GPAT4: variants seen among roughly 807,000 people sequenced by gnomAD.
The protein encoded by GPAT4 is glycerol-3-phosphate acyltransferase 4, also known as 1-AGP acyltransferase 6.
In GPAT4, 17 loss-of-function variants were observed where a neutral mutation model predicts 58.0. The ratio of observed to expected loss-of-function variants is 0.29; its 90% CI spans 0.20 to 0.44. The LOEUF is 0.44. Among genes scored for constraint, GPAT4 ranks in the 20% least tolerant of loss-of-function variants. The pLI, the probability that GPAT4 is intolerant of heterozygous loss-of-function variation, is 1.00. For synonymous variants in GPAT4, 204 were observed against 210.1 expected (o/e 0.97, Z 0.25); for missense variants, 377 against 574.5 (o/e 0.66, Z 3.51).
intron 1 of GPAT4, among the ~76,000 whole-genome samples, chr8:41,587,352 A>G (rs1350174945): frequency 6.6e-6 from 1 of 152,196 alleles, no homozygotes; most frequent in Non-Finnish European, 1.5e-5. Flanking sequence ...TAATGTCATT[A>G]CTTCTTGGGA....
At chr8:41,603,663 G>A (rs1251382953) in intron 2 of GPAT4, among the ~76,000 whole-genome samples, 2 of 152,078 alleles carry the variant, frequency 1.3e-5, no homozygotes, top group Non-Finnish European at 2.9e-5. Context: ...TGACACAGAG[G>A]ATGTGGGGGG....
chr8:41,580,198 A>C (rs1017720345), intron 1 of GPAT4, among the ~76,000 whole-genome samples: 6 of 152,254 alleles, frequency 3.9e-5, no homozygotes, highest in Admixed American at 6.5e-5. Flanking sequence ...AAGTTCTGAT[A>C]ATAGTTTTTA....
intron 2 of GPAT4, 76 bp from the exon 3 acceptor site, chr8:41,609,340 A>G: frequency 6.9e-7 from 1 of 1,446,490 alleles, no homozygotes; most frequent in South Asian, 1.2e-5. Context: ...GCTTTCACAG[A>G]ATAGAGATGG....
At chr8:41,594,917 A>G (rs1802886255) in intron 1 of GPAT4, among the ~76,000 whole-genome samples, 1 of 151,892 alleles carries the variant, frequency 6.6e-6, no homozygotes, top group African/African-American at 2.4e-5. Context: ...TTTTTTACAT[A>G]AATTCTGTCC....
At chr8:41,602,545 C>T (rs1803133499) in intron 2 of GPAT4, among the ~76,000 whole-genome samples, 1 of 151,848 alleles carries the variant, frequency 6.6e-6, no homozygotes, top group East Asian at 1.9e-4. Flanking sequence ...TGCTCTGAGT[C>T]GATCTGAATG....
At chr8:41,605,864 G>T (rs375113561) in intron 2 of GPAT4, among the ~76,000 whole-genome samples, 3 of 152,150 alleles carry the variant, frequency 2.0e-5, no homozygotes, top group African/African-American at 7.2e-5. Flanking sequence ...GATCCACTGC[G>T]CCCAGCCCAT....
At chr8:41,613,073 C>A in intron 8 of GPAT4, 113 bp downstream of exon 8, 1 of 785,968 alleles carries the variant, frequency 1.3e-6, no homozygotes, top group Non-Finnish European at 1.9e-6. Flanking sequence ...GCCTATACTG[C>A]TTTCATAATA....
Position 41,599,146 on chromosome 8 carries a change from C to T in GPAT4, c.7C>T (p.Leu3=). The T allele has an allele frequency of 6.2e-7, 1 of 1,610,888 alleles. No homozygotes were observed. The highest frequency in any genetic ancestry group is 8.5e-7 in the Non-Finnish European group (1 of 1,179,098). Residue 3 remains leucine, a synonymous_variant, in exon 2 of 13, where the codon CTG becomes TTG. Coordinates refer to ENST00000396987, the MANE Select transcript of GPAT4 (RefSeq NM_178819.4). MF[L]LLPFDSLIVN... is the part of the protein sequence containing the mutation. ...CTGGCCTGGATCTTCCACCATGTTC[C>T]TGTTGCTGCCTTTTGATAGCCTGAT...
chr8:41,606,061 A>G (rs1803261544), intron 2 of GPAT4, among the ~76,000 whole-genome samples: 1 of 152,180 alleles, frequency 6.6e-6, no homozygotes, highest in Non-Finnish European at 1.5e-5. Context: ...TGCCCTATGC[A>G]TCTCTTCCAT....
chr8:41,582,384 G>C (rs187470894), intron 1 of GPAT4, among the ~76,000 whole-genome samples: 78 of 151,726 alleles, frequency 5.1e-4, no homozygotes, highest in Non-Finnish European at 1.0e-4. Flanking sequence ...CCTGGTTCCA[G>C]ATCTAAGCCC....
chr8:41,602,468 CTG>C (rs1803131280), intron 2 of GPAT4, among the ~76,000 whole-genome samples: 1 of 152,158 alleles, frequency 6.6e-6, no homozygotes, highest in African/African-American at 2.4e-5. Flanking sequence ...CCAGAAAGGA[CTG>C]GCGTATTCCT....
At chr8:41,586,522 G>A (rs1475551412) in intron 1 of GPAT4, among the ~76,000 whole-genome samples, 1 of 152,260 alleles carries the variant, frequency 6.6e-6, no homozygotes, top group African/African-American at 2.4e-5. Flanking sequence ...GTGAGGGTTG[G>A]ATTCTTAGTA....
chr8:41,605,477 G>A (rs776164113), intron 2 of GPAT4, among the ~76,000 whole-genome samples: 11 of 152,212 alleles, frequency 7.2e-5, no homozygotes, highest in Admixed American at 3.9e-4. Context: ...GCAAAAACAC[G>A]GCGCATGGAG....
intron 7 of GPAT4, 192 bp from the exon 8 acceptor site, chr8:41,612,653 T>G: frequency 3.4e-6 from 2 of 583,206 alleles, no homozygotes; most frequent in Non-Finnish European, 6.1e-6. Flanking sequence ...TTTCTAGTAT[T>G]ACTGATTAAA....
intron 2 of GPAT4, among the ~76,000 whole-genome samples, chr8:41,604,832 G>T (rs1486379621): frequency 6.6e-6 from 1 of 152,206 alleles, no homozygotes; most frequent in East Asian, 1.9e-4. Context: ...GGGTCAGGCA[G>T]CTGTTACCTT....
chr8:41,582,358 A>G lies in GPAT4; in HGVS notation c.-849+4080A>G, dbSNP rs556826792. Among the ~76,000 whole-genome samples the G allele has an allele frequency of 4.6e-5, 7 of 152,136 alleles. No homozygotes were observed. The East Asian group carries it at 1.4e-3, about 29-fold the overall frequency. ...AGACTAGACAGTAAGAGTTGCACCT[A>G]GAACCTAAAGGCAGTCCTGGTTCCA... On this transcript the variant is annotated intron_variant, in intron 1 of 12. Transcript: ENST00000396987.
intron 1 of GPAT4, among the ~76,000 whole-genome samples, chr8:41,582,139 G>A (rs1331575295): frequency 6.6e-6 from 1 of 150,920 alleles, no homozygotes. Flanking sequence ...AAGTAGCTGG[G>A]ATTACAGGCA....
At chr8:41,591,021 C>T (rs945796588) in intron 1 of GPAT4, among the ~76,000 whole-genome samples, 2 of 152,066 alleles carry the variant, frequency 1.3e-5, no homozygotes, top group Non-Finnish European at 2.9e-5. Flanking sequence ...GGGGCGTTGG[C>T]GGACTCACAT....
Position 41,594,608 on chromosome 8 carries a change from C to CGG in GPAT4, c.-848-3683_-848-3682insGG, listed in dbSNP as rs1802873766. 2.1e-5 allele frequency among the ~76,000 whole-genome samples: 3 copies of CGG among 146,308 alleles called. No homozygotes were observed. In the East Asian group the frequency reaches 6.0e-4, roughly 29 times the overall value. On this transcript the variant is annotated intron_variant, in intron 1 of 12. Coordinates refer to ENST00000396987, the MANE Select transcript of GPAT4 (RefSeq NM_178819.4). Reference sequence around the variant, plus strand: ...TCGCTCAGGCTGGAGTGCAGTGGTCCGATCTCGGCTCACTGCAAGCTCCGC... The same window carrying CGG: ...TCGCTCAGGCTGGAGTGCAGTGGTCCGGGATCTCGGCTCACTGCAAGCTCCGC...
Sources: allele counts gnomAD v4.1 joint callset (sites outside exome capture counted in the v4.1 genomes callset), GRCh38; gene constraint gnomAD v4.1.1; transcripts MANE v1.5; gene names NCBI Gene and HGNC (gene_info 2026-07-23, HGNC 2026-07-21).